ATXN1: variants seen among roughly 807,000 people sequenced by gnomAD.
The protein encoded by ATXN1 is ataxin 1, also known as ataxin-1.
A neutral mutation model predicts 56.4 loss-of-function variants in ATXN1; 8 were observed. That is an observed-to-expected ratio of 0.14 (90% CI 0.08 to 0.26). The LOEUF is 0.26. Among genes scored for constraint, ATXN1 ranks in the 10% least tolerant of loss-of-function variants. The pLI, the probability that ATXN1 is intolerant of heterozygous loss-of-function variation, is 1.00. For missense variants in ATXN1, 987 were observed against 1,106.5 expected (o/e 0.89, Z 1.53); for synonymous variants, 514 against 494.6 (o/e 1.04, Z -0.52).
chr6:16,548,787 G>C (rs906048151), intron 4 of ATXN1, among the ~76,000 whole-genome samples: 1 of 152,044 alleles, frequency 6.6e-6, no homozygotes, highest in Non-Finnish European at 1.5e-5. Flanking sequence ...AGCCGGCGTG[G>C]TGGTGCATGC....
intron 5 of ATXN1, among the ~76,000 whole-genome samples, chr6:16,505,781 T>G (rs1760973133): frequency 6.6e-6 from 1 of 152,210 alleles, no homozygotes; most frequent in Non-Finnish European, 1.5e-5. Context: ...AGGGTCTCAG[T>G]AATAAGATGA....
chr6:16,496,663 T>C (rs898889422), intron 5 of ATXN1, among the ~76,000 whole-genome samples: 3 of 152,186 alleles, frequency 2.0e-5, no homozygotes, highest in African/African-American at 7.2e-5. Context: ...CCGTGGTTTG[T>C]CTTAAGAGTC....
At chr6:16,535,509 C>A (rs1350571123) in intron 4 of ATXN1, among the ~76,000 whole-genome samples, 1 of 152,142 alleles carries the variant, frequency 6.6e-6, no homozygotes, top group Non-Finnish European at 1.5e-5. Flanking sequence ...ACAAAATAAA[C>A]AACATAGTAC....
At chr6:16,527,981 G>A (rs562892571) in intron 4 of ATXN1, among the ~76,000 whole-genome samples, 2 of 152,112 alleles carry the variant, frequency 1.3e-5, no homozygotes, top group Non-Finnish European at 2.9e-5. Flanking sequence ...TGTGTTGTGT[G>A]CTATACAATG....
intron 6 of ATXN1, among the ~76,000 whole-genome samples, chr6:16,466,736 C>T (rs1437401164): frequency 6.6e-6 from 1 of 152,122 alleles, no homozygotes; most frequent in Admixed American, 6.5e-5. Flanking sequence ...TGGAAGAAAA[C>T]ACACTCAAAT....
At chr6:16,582,681 A>G (rs1436874723) in intron 4 of ATXN1, among the ~76,000 whole-genome samples, 4 of 152,238 alleles carry the variant, frequency 2.6e-5, no homozygotes, top group African/African-American at 7.2e-5. Context: ...GTCACAGCAC[A>G]ATTAATATGG....
At chr6:16,415,036 T>C (rs1180235011) in intron 6 of ATXN1, among the ~76,000 whole-genome samples, 1 of 152,218 alleles carries the variant, frequency 6.6e-6, no homozygotes, top group Admixed American at 6.5e-5. Flanking sequence ...CCTCATTTCA[T>C]TTTTATAATT....
chr6:16,740,492 T>A (rs1446470352), intron 2 of ATXN1, among the ~76,000 whole-genome samples: 1 of 152,150 alleles, frequency 6.6e-6, no homozygotes, highest in Non-Finnish European at 1.5e-5. Flanking sequence ...TCAGAGCAGA[T>A]GACATTAAAT....
chr6:16,699,173 C>T (rs530513982), intron 2 of ATXN1, among the ~76,000 whole-genome samples: 20 of 152,196 alleles, frequency 1.3e-4, no homozygotes, highest in Non-Finnish European at 2.4e-4. Flanking sequence ...CAGAAAGAAA[C>T]TTCTCTATTA....
intron 6 of ATXN1, among the ~76,000 whole-genome samples, chr6:16,472,351 T>C (rs1760237018): frequency 6.6e-6 from 1 of 152,194 alleles, no homozygotes; most frequent in Non-Finnish European, 1.5e-5. Context: ...ATCTCTCCAG[T>C]CACCTATAAA....
chr6:16,595,284 T>G (rs1762794839), intron 3 of ATXN1, among the ~76,000 whole-genome samples: 1 of 152,226 alleles, frequency 6.6e-6, no homozygotes, highest in African/African-American at 2.4e-5. Context: ...AAAATGATTC[T>G]TTCCTCTCCA....
intron 2 of ATXN1, among the ~76,000 whole-genome samples, chr6:16,750,726 C>G (rs1194297984): frequency 1.3e-5 from 2 of 152,096 alleles, no homozygotes; most frequent in Non-Finnish European, 2.9e-5. Flanking sequence ...AGAGATATGA[C>G]TTTTTGCTGC....
At chr6:16,662,969 ATTTT>A (rs57242101) in intron 2 of ATXN1, among the ~76,000 whole-genome samples, 7 of 129,626 alleles carry the variant, frequency 5.4e-5, no homozygotes, top group Admixed American at 8.1e-5. Flanking sequence ...TTCTGTTTGG[ATTTT>A]TTTTTTTTTT....
Position 16,725,547 on chromosome 6 carries a change from C to T in ATXN1, c.-615+27686G>A, listed in dbSNP as rs1036626211. ...TAAATCCAGTTTTTGAATCAGAAAC[C>T]GAATTTAGAAAAACATCTTGGTTGA... On this transcript the variant is annotated intron_variant, in intron 2 of 7. Transcript: ENST00000436367. Among the ~76,000 whole-genome samples the T allele has an allele frequency of 2.5e-4, 38 of 152,076 alleles. 2 individuals are homozygous for T. The highest frequency in any genetic ancestry group is 1.0e-3 in the Admixed American group (16 of 15,262).
chr6:16,726,921 A>C, intron 2 of ATXN1, among the ~76,000 whole-genome samples: 1 of 152,344 alleles, frequency 6.6e-6, no homozygotes, highest in East Asian at 1.9e-4. Flanking sequence ...TCAAGAGTTC[A>C]GGCCATATGG....
At chr6:16,552,366 A>T (rs1361188934) in intron 4 of ATXN1, among the ~76,000 whole-genome samples, 1 of 152,022 alleles carries the variant, frequency 6.6e-6, no homozygotes, top group Non-Finnish European at 1.5e-5. Flanking sequence ...ACTCCAAGAT[A>T]CTCCTTTAAC....
At chr6:16,610,749 C>T (rs1191576729) in intron 3 of ATXN1, among the ~76,000 whole-genome samples, 1 of 151,928 alleles carries the variant, frequency 6.6e-6, no homozygotes, top group African/African-American at 2.4e-5. Flanking sequence ...TCAGGCCCAG[C>T]ACAGGGGCTC....
At chr6:16,494,101 C>G (rs1259895735) in intron 5 of ATXN1, among the ~76,000 whole-genome samples, 3 of 9,090 alleles carry the variant, frequency 3.3e-4, no homozygotes, top group African/African-American at 2.1e-3. Context: ...CAGTGCAGGG[C>G]TGGACTGAGA....
At chr6:16,628,424 C>T (rs1023170510) in intron 3 of ATXN1, among the ~76,000 whole-genome samples, 1 of 152,180 alleles carries the variant, frequency 6.6e-6, no homozygotes, top group Non-Finnish European at 1.5e-5. Context: ...ATATTTCACA[C>T]ACAAACAAAT....
Sources: allele counts gnomAD v4.1 joint callset (sites outside exome capture counted in the v4.1 genomes callset), GRCh38; gene constraint gnomAD v4.1.1; transcripts MANE v1.5; gene names NCBI Gene and HGNC (gene_info 2026-07-23, HGNC 2026-07-21).